Variants in SVIL observed in about 807,000 individuals in gnomAD.
SVIL encodes supervillin.
A neutral mutation model predicts 240.4 loss-of-function variants in SVIL; 101 were observed. The ratio of observed to expected loss-of-function variants is 0.42; its 90% CI spans 0.36 to 0.50. The LOEUF is 0.50. Ranked by LOEUF, SVIL falls within the 20% of genes least tolerant of loss-of-function variation. The pLI, the probability that SVIL is intolerant of heterozygous loss-of-function variation, is 0.01. For missense variants in SVIL, 2,512 were observed against 2,818.7 expected, an observed-to-expected ratio of 0.89 and a Z score of 2.46; for synonymous variants, 999 against 1,100.0, an observed-to-expected ratio of 0.91 and a Z score of 1.82.
chr10:29,637,864 A>G (rs1321495077), upstream of SVIL, among the ~76,000 whole-genome samples: 1 of 152,208 alleles, frequency 6.6e-6, no homozygotes, highest in Admixed American at 6.5e-5. Flanking sequence ...GCCAATCCCA[A>G]AATGTTAGAT....
chr10:29,507,819 A>G (rs1274559657), intron 17 of SVIL: 6 of 983,532 alleles, frequency 6.1e-6, no homozygotes, highest in Non-Finnish European at 6.0e-6. Flanking sequence ...AGGTTCCTAC[A>G]GAGCAAAGCA....
At chr10:29,725,504 G>C (rs894212202) in intron 1 of SVIL, among the ~76,000 whole-genome samples, 7 of 152,082 alleles carry the variant, frequency 4.6e-5, no homozygotes, top group African/African-American at 1.7e-4. Flanking sequence ...CATGCACACA[G>C]ATGTGTCCTA....
intron 2 of SVIL, among the ~76,000 whole-genome samples, chr10:29,675,407 G>A (rs1960123652): frequency 6.6e-6 from 1 of 152,180 alleles, no homozygotes; most frequent in South Asian, 2.1e-4. Context: ...AGGAGACTGA[G>A]GCTGGAGGAT....
At chr10:29,680,250 C>A (rs1148205) in intron 2 of SVIL, among the ~76,000 whole-genome samples, 1 of 152,136 alleles carries the variant, frequency 6.6e-6, no homozygotes, top group South Asian at 2.1e-4. Flanking sequence ...GGCACATGTT[C>A]TCATAGGCGT....
At chr10:29,618,555 C>T (rs761110128) in intron 1 of SVIL, among the ~76,000 whole-genome samples, 1 of 152,158 alleles carries the variant, frequency 6.6e-6, no homozygotes, top group Admixed American at 6.5e-5. Context: ...TCTTGACCAC[C>T]TTCAAAGCCC....
At chr10:29,610,834 T>C (rs1243367092) in intron 1 of SVIL, among the ~76,000 whole-genome samples, 1 of 152,162 alleles carries the variant, frequency 6.6e-6, no homozygotes, top group Non-Finnish European at 1.5e-5. Context: ...CCTCAGCCCC[T>C]GGCTCCTCAT....
chr10:29,659,930 G>A (rs557884931), intron 2 of SVIL, among the ~76,000 whole-genome samples: 1 of 152,254 alleles, frequency 6.6e-6, no homozygotes, highest in African/African-American at 2.4e-5. Flanking sequence ...CCTCCTTAGG[G>A]CTCCAAACTG....
chr10:29,544,975 T>A (rs1035900582), intron 6 of SVIL: 1 of 534,014 alleles, frequency 1.9e-6, no homozygotes, highest in Non-Finnish European at 3.8e-6. Flanking sequence ...AGATGTCTGT[T>A]CTTTAGAATG....
chr10:29,492,603 G>A (rs767090982), intron 21 of SVIL, among the ~76,000 whole-genome samples: 48 of 152,272 alleles, frequency 3.2e-4, no homozygotes, highest in Middle Eastern at 3.4e-3. Context: ...ATCAGTTTGA[G>A]TTGGGATCTT....
chr10:29,590,427 TC>T (rs1159008264), intron 1 of SVIL, among the ~76,000 whole-genome samples: 1 of 152,044 alleles, frequency 6.6e-6, no homozygotes, highest in African/African-American at 2.4e-5. Context: ...CACTGCATTT[TC>T]CCCCGACATT....
intron 1 of SVIL, among the ~76,000 whole-genome samples, chr10:29,584,282 G>A (rs1350211400): frequency 1.3e-5 from 2 of 152,180 alleles, no homozygotes; most frequent in African/African-American, 4.8e-5. Context: ...AATCACTTAG[G>A]CACACCCTGA....
intron 27 of SVIL, chr10:29,482,988 G>T (rs1377975809): frequency 1.3e-5 from 2 of 152,210 alleles, no homozygotes; most frequent in Non-Finnish European, 2.9e-5. Flanking sequence ...CAGAAAGGCT[G>T]CCTGATTCAA....
chr10:29,689,559 C>A (rs888111044), intron 1 of SVIL, among the ~76,000 whole-genome samples: 1 of 152,206 alleles, frequency 6.6e-6, no homozygotes, highest in African/African-American at 2.4e-5. Context: ...GCTGGGATTA[C>A]AGGCGCGAGC....
chr10:29,596,927 T>C (rs1421618321), intron 1 of SVIL, among the ~76,000 whole-genome samples: 1 of 152,212 alleles, frequency 6.6e-6, no homozygotes, highest in African/African-American at 2.4e-5. Flanking sequence ...CTGTCTCCAT[T>C]GCTACGATGA....
chr10:29,613,808 C>G (rs140786620), intron 1 of SVIL, among the ~76,000 whole-genome samples: 1 of 152,150 alleles, frequency 6.6e-6, no homozygotes, highest in Admixed American at 6.5e-5. Flanking sequence ...ACATTGCAAC[C>G]GGAAGAATAT....
rs71023503 is a variant in SVIL, at chr10:29,717,232, CAAAAAAAAAAAAAAAAAA to C, written c.-400+18501_-400+18518del. 2.1e-3 allele frequency among the ~76,000 whole-genome samples: 79 copies of C among 38,340 alleles called. 2 individuals carry two copies. The highest frequency in any genetic ancestry group is 0.018 in the Admixed American group (35 of 1,962). 25.2% of individuals were successfully genotyped at this position (38,340 alleles called of 152,430 possible). On this transcript the variant is annotated intron_variant, in intron 1 of 35. Transcript: ENST00000375400. ...TGGGCGACAGAGCAAGACTCTCTCTCAAAAAAAAAAAAAAAAAAAAAAAAAAAAAAAAATAGGCAGTGT... is the reference window on the plus strand; with the variant it reads ...TGGGCGACAGAGCAAGACTCTCTCTCAAAAAAAAAAAAAAATAGGCAGTGT...
At chr10:29,734,262 T>C (rs1964774487) in intron 1 of SVIL, among the ~76,000 whole-genome samples, 1 of 152,202 alleles carries the variant, frequency 6.6e-6, no homozygotes, top group Non-Finnish European at 1.5e-5. Flanking sequence ...GGTTTAGCTA[T>C]GGCACTGGCA....
intron 1 of SVIL, among the ~76,000 whole-genome samples, chr10:29,710,001 G>A (rs913471534): frequency 5.9e-5 from 9 of 152,132 alleles, no homozygotes; most frequent in East Asian, 3.9e-4. Flanking sequence ...TTCTGAACTC[G>A]ATCTTGCCTC....
intron 1 of SVIL, among the ~76,000 whole-genome samples, chr10:29,714,063 C>T (rs1589564636): frequency 1.3e-5 from 2 of 152,314 alleles, no homozygotes; most frequent in Admixed American, 1.3e-4. Flanking sequence ...TCATCTAATT[C>T]CTACCTTGTA....
Sources: gnomAD v4.1 joint callset for allele counts (sites outside exome capture counted in the v4.1 genomes callset) on GRCh38, gnomAD v4.1.1 for gene constraint, MANE v1.5 for transcripts, NCBI Gene and HGNC (gene_info 2026-07-23, HGNC 2026-07-21) for gene names.